Variants in GPHN observed in about 807,000 individuals in gnomAD.
GPHN encodes gephyrin.
In GPHN, 17 loss-of-function variants were observed where a neutral mutation model predicts 95.5. The observed-to-expected ratio is 0.18, with a 90% CI of 0.12 to 0.27. The LOEUF is 0.27. Ranked by LOEUF, GPHN falls within the 10% of genes least tolerant of loss-of-function variation. The pLI is 1.00. For missense variants in GPHN, 660 were observed against 978.1 expected, an observed-to-expected ratio of 0.67 and a Z score of 4.34; for synonymous variants, 320 against 322.5, an observed-to-expected ratio of 0.99 and a Z score of 0.08.
At chr14:67,026,864 G>T (rs979530399) in intron 10 of GPHN, among the ~76,000 whole-genome samples, 1 of 152,056 alleles carries the variant, frequency 6.6e-6, no homozygotes, top group African/African-American at 2.4e-5. Context: ...GGATGGTCTC[G>T]ATCTCCTGAC....
chr14:67,733,780 C>A, the GPHN span: 1 of 1,613,060 alleles, frequency 6.2e-7, no homozygotes, highest in Admixed American at 1.7e-5. Flanking sequence ...TCCAAGGGCC[C>A]GAAATAACAA....
intron 3 of GPHN, among the ~76,000 whole-genome samples, chr14:66,787,450 A>G (rs1332638702): frequency 6.6e-6 from 1 of 152,202 alleles, no homozygotes; most frequent in Non-Finnish European, 1.5e-5. Flanking sequence ...TACCCTGGCA[A>G]GTGTTTTGTG....
chr14:67,109,371 A>G (rs2078236879), intron 13 of GPHN, among the ~76,000 whole-genome samples: 1 of 152,218 alleles, frequency 6.6e-6, no homozygotes, highest in Non-Finnish European at 1.5e-5. Context: ...TGACTTTCAG[A>G]TCACTTCTCT....
the GPHN span, among the ~76,000 whole-genome samples, chr14:67,716,633 C>T: frequency 3.3e-5 from 5 of 152,148 alleles, no homozygotes; most frequent in Non-Finnish European, 5.9e-5. Flanking sequence ...CTTGTAATCT[C>T]AGCACTTTGG....
chr14:66,539,409 C>CTTTTTTTTTT (rs1000117893), intron 1 of GPHN, among the ~76,000 whole-genome samples: 13 of 101,814 alleles, frequency 1.3e-4, no homozygotes, highest in East Asian at 6.1e-4. Context: ...TTTCTACTTT[C>CTTTTTTTTTT]TTTTTTTTTT....
At chr14:66,959,546 T>C (rs1028692279) in intron 8 of GPHN, among the ~76,000 whole-genome samples, 4 of 152,140 alleles carry the variant, frequency 2.6e-5, no homozygotes, top group African/African-American at 9.7e-5. Flanking sequence ...TATAGAATTA[T>C]TGGTTGACAG....
intron 3 of GPHN, among the ~76,000 whole-genome samples, chr14:66,821,978 G>A (rs1480383596): frequency 1.3e-5 from 2 of 152,174 alleles, no homozygotes; most frequent in Admixed American, 6.5e-5. Flanking sequence ...TCGAGACGGA[G>A]TCTTGCTCTG....
At chr14:67,293,888 AAG>A in the GPHN span, among the ~76,000 whole-genome samples, 3 of 152,164 alleles carry the variant, frequency 2.0e-5, no homozygotes, top group Admixed American at 1.3e-4. Context: ...ATGGGTGAAG[AAG>A]AGAGTGAGAG....
chr14:67,427,229 C>A, the GPHN span, among the ~76,000 whole-genome samples: 1 of 152,148 alleles, frequency 6.6e-6, no homozygotes, highest in Non-Finnish European at 1.5e-5. Context: ...AACTGTAAAG[C>A]ACTATCCAAA....
In GPHN at chr14:66,593,011, A is replaced by G. The variant is rs147840265; in HGVS notation, c.64+84420A>G. 1.6e-3 allele frequency among the ~76,000 whole-genome samples: 250 copies of G among 152,314 alleles called. 1 individual carries two copies. Among genetic ancestry groups the G allele is most frequent in the African/African-American group, 5.9e-3 (244 of 41,576 alleles). ...ATGTCCTTTGCAGGGACGTGGATGAAGCTGGAAACTATCATTCTCAGATAA... is the reference window on the plus strand; with the variant it reads ...ATGTCCTTTGCAGGGACGTGGATGAGGCTGGAAACTATCATTCTCAGATAA... On this transcript the variant is annotated intron_variant, in intron 1 of 22. Transcript: ENST00000478722.
intron 2 of GPHN, among the ~76,000 whole-genome samples, chr14:66,771,537 G>T (rs115685476): frequency 0.012 from 1,874 of 152,202 alleles, 25 homozygotes; most frequent in African/African-American, 0.041. Flanking sequence ...AGGCATATGT[G>T]GATGCTGGAC....
the GPHN span, among the ~76,000 whole-genome samples, chr14:67,543,538 G>T: frequency 1.3e-5 from 2 of 152,158 alleles, no homozygotes; most frequent in Non-Finnish European, 2.9e-5. Context: ...CATATTCCTG[G>T]GTTCTACCCC....
At chr14:66,666,308 G>A (rs968369976) in intron 1 of GPHN, among the ~76,000 whole-genome samples, 1 of 150,062 alleles carries the variant, frequency 6.7e-6, no homozygotes, top group African/African-American at 2.4e-5. Flanking sequence ...ACCCAAAAAA[G>A]GAAAAGAATG....
the GPHN span, chr14:67,208,242 A>C: frequency 6.2e-7 from 1 of 1,614,082 alleles, no homozygotes; most frequent in Admixed American, 1.7e-5. Flanking sequence ...TGTTTACAAG[A>C]TACAAAAAGT....
chr14:67,419,135 G>A, the GPHN span, among the ~76,000 whole-genome samples: 1 of 151,748 alleles, frequency 6.6e-6, no homozygotes, highest in Non-Finnish European at 1.5e-5. Context: ...CCCTTCCCTC[G>A]CCTCCTTCCA....
intron 11 of GPHN, among the ~76,000 whole-genome samples, chr14:67,069,230 C>T (rs950294195): frequency 3.9e-5 from 6 of 152,234 alleles, no homozygotes; most frequent in Middle Eastern, 3.4e-3. Context: ...ATTTTATTTT[C>T]GCTAACATGC....
intron 2 of GPHN, among the ~76,000 whole-genome samples, chr14:66,735,019 GAGTA>G (rs2153436034): frequency 6.6e-6 from 1 of 152,224 alleles, no homozygotes; most frequent in African/African-American, 2.4e-5. Context: ...ATTCTAAATG[GAGTA>G]AGTAATTGGA....
At chr14:67,254,025 T>TCC in the GPHN span, among the ~76,000 whole-genome samples, 2,245 of 122,890 alleles carry the variant, frequency 0.018, 42 homozygotes, top group African/African-American at 0.039. Flanking sequence ...CTTATATTCA[T>TCC]CCCCCCCCCC....
chr14:66,973,896 A>G (rs2070006010), intron 9 of GPHN, among the ~76,000 whole-genome samples: 2 of 152,236 alleles, frequency 1.3e-5, no homozygotes, highest in Admixed American at 6.5e-5. Flanking sequence ...TAAAAATGCA[A>G]ATTTTCACTG....
Sources: allele counts gnomAD v4.1 joint callset (sites outside exome capture counted in the v4.1 genomes callset), GRCh38; gene constraint gnomAD v4.1.1; transcripts MANE v1.5; gene names NCBI Gene and HGNC (gene_info 2026-07-23, HGNC 2026-07-21).